Variants in NCK2 observed in about 807,000 individuals in gnomAD.
The protein encoded by NCK2 is cytoplasmic protein NCK2.
Under a neutral mutation model 33.9 loss-of-function variants are expected in NCK2, and 16 were observed. That is an observed-to-expected ratio of 0.47 (90% CI 0.32 to 0.72). NCK2 has a LOEUF of 0.72. Ranked by LOEUF, NCK2 falls within the 30% of genes least tolerant of loss-of-function variation. The pLI is 0.03. For missense variants in NCK2, 418 were observed against 537.3 expected, an observed-to-expected ratio of 0.78 and a Z score of 2.19; for synonymous variants, 273 against 239.9, an observed-to-expected ratio of 1.14 and a Z score of -1.27.
chr2:105,876,022 A>C (rs1024103476), intron 3 of NCK2, among the ~76,000 whole-genome samples: 1 of 152,162 alleles, frequency 6.6e-6, no homozygotes, highest in Non-Finnish European at 1.5e-5. Context: ...AGCAGTTTAT[A>C]CATTATTGAA....
chr2:105,803,681 TGTG>T (rs1236931024), intron 1 of NCK2, among the ~76,000 whole-genome samples: 1 of 152,190 alleles, frequency 6.6e-6, no homozygotes, highest in Non-Finnish European at 1.5e-5. Flanking sequence ...CTTTCACACT[TGTG>T]GTCCAGTTAT....
intron 4 of NCK2, 96 bp downstream of exon 4, chr2:105,882,145 A>C: frequency 3.1e-6 from 4 of 1,299,100 alleles, no homozygotes; most frequent in Non-Finnish European, 4.0e-6. Context: ...GTGTGAGTAC[A>C]CTAGAAAGAG....
intron 1 of NCK2, among the ~76,000 whole-genome samples, chr2:105,757,485 C>T (rs1179117658): frequency 2.0e-5 from 3 of 152,254 alleles, no homozygotes; most frequent in Non-Finnish European, 2.9e-5. Flanking sequence ...AGAAAGGCTA[C>T]GTTGTTCATC....
At chr2:105,851,518 A>C (rs750353533) in intron 2 of NCK2, among the ~76,000 whole-genome samples, 4 of 151,932 alleles carry the variant, frequency 2.6e-5, no homozygotes, top group Admixed American at 6.6e-5. Flanking sequence ...GGGGCTCCCA[A>C]AGTGCTGGGA....
At chr2:105,761,421 C>A (rs1689760904) in intron 1 of NCK2, among the ~76,000 whole-genome samples, 1 of 152,164 alleles carries the variant, frequency 6.6e-6, no homozygotes, top group African/African-American at 2.4e-5. Flanking sequence ...CTTCTCCCTC[C>A]TAGTGATGGG....
At chr2:105,757,253 G>C (rs1032500483) in intron 1 of NCK2, among the ~76,000 whole-genome samples, 4 of 152,090 alleles carry the variant, frequency 2.6e-5, no homozygotes, top group Non-Finnish European at 5.9e-5. Context: ...CCTCTGTTTT[G>C]TCTTCTGTGA....
At chr2:105,750,861 A>T (rs1017936623) in intron 1 of NCK2, among the ~76,000 whole-genome samples, 1 of 152,202 alleles carries the variant, frequency 6.6e-6, no homozygotes, top group African/African-American at 2.4e-5. Flanking sequence ...GGTGGGGCCA[A>T]TGGCAGCCAG....
At position 105,881,389 on chromosome 2, in the gene NCK2, C is replaced by T. The variant is rs150904549; in HGVS notation, c.288C>T (p.Asp96=). 5.6e-5 allele frequency: 91 copies of T among 1,611,298 alleles called. No individual in the cohort carries two copies. The African/African-American group carries it at 1.1e-3, about 19-fold the overall frequency. The change falls in exon 4 of 5, where the codon GAC becomes GAT. Residue 96 remains aspartate (D), a synonymous_variant. Coordinates refer to ENST00000233154, the MANE Select transcript of NCK2 (RefSeq NM_003581.5). The part of the protein sequence containing the change: ...ARDASPTPST[D]AEYPANGSGA... Reference sequence around the variant, plus strand: ...ATGCGTCCCCCACGCCCAGCACGGACGCCGAGTACCCCGCCAATGGCAGCG... The same window carrying T: ...ATGCGTCCCCCACGCCCAGCACGGATGCCGAGTACCCCGCCAATGGCAGCG...
At chr2:105,784,557 T>C (rs1272960996) in intron 1 of NCK2, among the ~76,000 whole-genome samples, 1 of 152,230 alleles carries the variant, frequency 6.6e-6, no homozygotes, top group African/African-American at 2.4e-5. Flanking sequence ...AGAGATGTAT[T>C]CAGGTCTTTA....
intron 1 of NCK2, among the ~76,000 whole-genome samples, chr2:105,806,177 G>T (rs1465632722): frequency 4.6e-5 from 7 of 150,774 alleles, no homozygotes; most frequent in Admixed American, 4.6e-4. Context: ...GCTCAGCCTT[G>T]TATATGTATG....
chr2:105,771,180 C>T (rs1293199593), intron 1 of NCK2, among the ~76,000 whole-genome samples: 1 of 152,024 alleles, frequency 6.6e-6, no homozygotes, highest in Non-Finnish European at 1.5e-5. Context: ...CCTTGGCCTC[C>T]CAAAGTGCTG....
At chr2:105,816,713 T>G (rs140218688) in intron 2 of NCK2, 100 bp downstream of exon 2, 60 of 152,346 alleles carry the variant, frequency 3.9e-4, no homozygotes, top group African/African-American at 1.3e-3. Flanking sequence ...CAGTGTAGCC[T>G]TGATTTGTTG....
chr2:105,821,917 T>C (rs535059117), intron 2 of NCK2, among the ~76,000 whole-genome samples: 25 of 150,774 alleles, frequency 1.7e-4, no homozygotes, highest in African/African-American at 5.1e-4. Context: ...CCCACGTTCC[T>C]TCTGCTTCCC....
chr2:105,770,437 T>G (rs1319008342), intron 1 of NCK2, among the ~76,000 whole-genome samples: 1 of 152,232 alleles, frequency 6.6e-6, no homozygotes, highest in Non-Finnish European at 1.5e-5. Flanking sequence ...AAAAGTACAG[T>G]GCTTTTCTTA....
At chr2:105,745,806 CAA>C (rs900254637) in intron 1 of NCK2, 3 of 152,234 alleles carry the variant, frequency 2.0e-5, no homozygotes, top group Non-Finnish European at 4.4e-5. Flanking sequence ...CTGAATGAAC[CAA>C]AGTTTCTCAC....
At position 105,753,997 on chromosome 2, in the gene NCK2, C is replaced by G. The variant is rs573407770; in HGVS notation, c.-201+8859C>G. Among the ~76,000 whole-genome samples the G allele has an allele frequency of 3.9e-5, 6 of 152,278 alleles. No individual in the cohort carries two copies. The East Asian group carries it at 7.7e-4, about 20-fold the overall frequency. On this transcript the variant is annotated intron_variant, in intron 1 of 4. Coordinates refer to ENST00000233154, the MANE Select transcript of NCK2 (RefSeq NM_003581.5). ...GAGTTGTCTGTGCCAGCTTCTCGAA[C>G]CTACCCTTTTGTGTTAGGAGGGCCA...
rs139982351 is a variant in NCK2, at chr2:105,855,397, T to G, written c.226+108T>G. 260 of 799,476 alleles carry G rather than the reference T, an allele frequency of 3.3e-4. 1 individual carries two copies. The African/African-American group carries it at 4.2e-3, about 13-fold the overall frequency. The allele number at this position is 799,476 out of a possible 1,614,324, so 49.5% of individuals were successfully genotyped here. A position where few individuals can be genotyped will look rare whatever the true frequency, so the allele number is the denominator to read the frequency against. On this transcript the variant is annotated intron_variant, in intron 3 of 4. Transcript: ENST00000233154. ...AAAAAAAAAAGTCTGTTTTAAAAGT[T>G]AATATCTTCCTAGTTGTCTTTTTTA...
chr2:105,831,410 C>CTTTTT (rs56247904), intron 2 of NCK2, among the ~76,000 whole-genome samples: 2 of 144,846 alleles, frequency 1.4e-5, no homozygotes. Context: ...AGCATGATAT[C>CTTTTT]TTTTTTTTTT....
chr2:105,780,043 G>A (rs529499858), intron 1 of NCK2, among the ~76,000 whole-genome samples: 11 of 152,054 alleles, frequency 7.2e-5, no homozygotes, highest in Middle Eastern at 3.4e-3. Flanking sequence ...TCTAATTTCC[G>A]TTTTTCCAGT....
Sources: gnomAD v4.1 joint callset for allele counts (sites outside exome capture counted in the v4.1 genomes callset) on GRCh38, gnomAD v4.1.1 for gene constraint, MANE v1.5 for transcripts, NCBI Gene and HGNC (gene_info 2026-07-23, HGNC 2026-07-21) for gene names.